NEXMIF: variants seen among roughly 807,000 people sequenced by gnomAD.
NEXMIF encodes the protein neurite extension and migration factor.
NEXMIF carries 8 observed loss-of-function variants against 62.1 expected under a neutral mutation model. That is an observed-to-expected ratio of 0.13 (90% CI 0.08 to 0.23). The LOEUF is 0.23. Among genes scored for constraint, NEXMIF ranks in the 10% least tolerant of loss-of-function variants. The pLI is 1.00. For missense variants in NEXMIF, 976 were observed against 1,113.3 expected (o/e 0.88, Z 1.75); for synonymous variants, 404 against 416.6 (o/e 0.97, Z 0.37).
chrX:74,899,580 A>G (rs1429645725), intron 1 of NEXMIF, among the ~76,000 whole-genome samples: 1 of 112,497 alleles, frequency 8.9e-6, no homozygotes, highest in Non-Finnish European at 1.9e-5. Flanking sequence ...CAAATGGAAG[A>G]AAACACAAAT....
chrX:74,841,333 C>T (rs185069783), intron 1 of NEXMIF, among the ~76,000 whole-genome samples: 4 of 111,927 alleles, frequency 3.6e-5, no homozygotes. Context: ...ATTTTGTATC[C>T]TGAAACTTTG....
Position 74,769,587 on chromosome X carries a change from T to C in NEXMIF, c.-47-23890A>G, listed in dbSNP as rs747258046. On this transcript the variant is annotated intron_variant, in intron 1 of 3. Transcript: ENST00000055682. ...AGCGCTGAGAAACCGACCAATTTTGTAAAGATGTACTGCTGCAATGTGTCT... is the reference window on the plus strand; with the variant it reads ...AGCGCTGAGAAACCGACCAATTTTGCAAAGATGTACTGCTGCAATGTGTCT... The C allele has an allele frequency of 1.2e-4, 57 of 468,685 alleles. 1 individual carries two copies. The South Asian group carries it at 2.1e-3, about 17-fold the overall frequency. 38.6% of individuals were successfully genotyped at this position (468,685 alleles called of 1,213,427 possible).
At chrX:74,785,009 G>A (rs2080256588) in intron 1 of NEXMIF, among the ~76,000 whole-genome samples, 1 of 111,699 alleles carries the variant, frequency 9.0e-6, no homozygotes, top group Admixed American at 9.6e-5. Context: ...CATTGTTGGA[G>A]GATTAAGCAC....
intron 1 of NEXMIF, among the ~76,000 whole-genome samples, chrX:74,863,809 A>C (rs2080567062): frequency 8.9e-6 from 1 of 112,259 alleles, no homozygotes; most frequent in Non-Finnish European, 1.9e-5. Context: ...ATACAATAAA[A>C]AAAGAAAACT....
intron 1 of NEXMIF, among the ~76,000 whole-genome samples, chrX:74,884,654 T>C (rs749155119): frequency 1.8e-5 from 2 of 111,604 alleles, no homozygotes; most frequent in East Asian, 2.8e-4. Flanking sequence ...AGCAAGTCCT[T>C]AGTGGCCTAC....
At chrX:74,892,295 A>G (rs753750714) in intron 1 of NEXMIF, among the ~76,000 whole-genome samples, 16 of 112,435 alleles carry the variant, frequency 1.4e-4, no homozygotes, top group African/African-American at 4.8e-4. Flanking sequence ...CTGACAAGGG[A>G]AAAGAGAAAT....
chrX:74,884,288 C>T (rs772011513), intron 1 of NEXMIF, among the ~76,000 whole-genome samples: 1 of 111,760 alleles, frequency 8.9e-6, no homozygotes, highest in Admixed American at 9.5e-5. Flanking sequence ...CAAATTCATA[C>T]ATAACAATAC....
At chrX:74,891,946 T>C (rs2080719207) in intron 1 of NEXMIF, among the ~76,000 whole-genome samples, 2 of 112,397 alleles carry the variant, frequency 1.8e-5, no homozygotes, top group South Asian at 7.4e-4. Context: ...ATGTGGGGGA[T>C]GTTCTCAAGC....
intron 1 of NEXMIF, among the ~76,000 whole-genome samples, chrX:74,889,956 C>G (rs907988691): frequency 6.8e-5 from 5 of 74,022 alleles, no homozygotes; most frequent in African/African-American, 3.4e-4. Context: ...TAATCTGTCT[C>G]TCTCTCTCTC....
At chrX:74,808,805 A>G (rs1319938670) in intron 1 of NEXMIF, among the ~76,000 whole-genome samples, 2 of 112,159 alleles carry the variant, frequency 1.8e-5, no homozygotes, top group Non-Finnish European at 3.8e-5. Flanking sequence ...CTCTAAATAA[A>G]GATGATCCCT....
chrX:74,794,288 G>C (rs1001080616), intron 1 of NEXMIF, among the ~76,000 whole-genome samples: 2 of 106,669 alleles, frequency 1.9e-5, no homozygotes, highest in Non-Finnish European at 1.9e-5. Flanking sequence ...TAGGCTGCTC[G>C]GGGGTCAGGG....
At chrX:74,831,693 C>G (rs1195208273) in intron 1 of NEXMIF, among the ~76,000 whole-genome samples, 1 of 111,461 alleles carries the variant, frequency 9.0e-6, no homozygotes, top group Admixed American at 9.5e-5. Context: ...ATTTATAATC[C>G]TTTGGGTGAA....
intron 1 of NEXMIF, among the ~76,000 whole-genome samples, chrX:74,898,134 T>C (rs1004014094): frequency 9.0e-6 from 1 of 111,582 alleles, no homozygotes; most frequent in African/African-American, 3.3e-5. Context: ...GAGTACATTA[T>C]GGAAATGAGA....
intron 1 of NEXMIF, among the ~76,000 whole-genome samples, chrX:74,872,595 G>C (rs2080606538): frequency 1.8e-5 from 2 of 108,678 alleles, no homozygotes; most frequent in African/African-American, 6.7e-5. Context: ...TGTGACTGTA[G>C]TAAATTATGT....
intron 1 of NEXMIF, among the ~76,000 whole-genome samples, chrX:74,843,227 T>C (rs1233249267): frequency 2.7e-5 from 3 of 111,919 alleles, no homozygotes; most frequent in East Asian, 2.8e-4. Flanking sequence ...CATTATGTAA[T>C]GCTCTTAGGC....
chrX:74,794,157 T>G lies in NEXMIF; in HGVS notation c.-47-48460A>C, dbSNP rs1455347543. On this transcript the variant is annotated intron_variant, in intron 1 of 3. Coordinates refer to ENST00000055682, the MANE Select transcript of NEXMIF (RefSeq NM_001008537.3). ...GGTGATGTACAGATGGGTTTTTGGT[T>G]TGGATGTCCTTTCTGTTTATTAGTT... Among the ~76,000 whole-genome samples the G allele has an allele frequency of 2.8e-3, 314 of 110,225 alleles. 3 individuals carry two copies. The highest frequency in any genetic ancestry group is 4.6e-3 in the Middle Eastern group (1 of 217).
intron 1 of NEXMIF, among the ~76,000 whole-genome samples, chrX:74,838,205 C>A (rs758791041): frequency 3.6e-5 from 4 of 111,445 alleles, no homozygotes; most frequent in Non-Finnish European, 5.7e-5. Context: ...TGTGTATGTA[C>A]AATGTGCTAA....
At chrX:74,895,150 A>G (rs1360495025) in intron 1 of NEXMIF, among the ~76,000 whole-genome samples, 3 of 112,616 alleles carry the variant, frequency 2.7e-5, no homozygotes, top group Non-Finnish European at 5.6e-5. Flanking sequence ...ACAAAAAACA[A>G]TAGCATTTCT....
At chrX:74,912,743 A>G (rs2080794782) in intron 1 of NEXMIF, among the ~76,000 whole-genome samples, 1 of 111,826 alleles carries the variant, frequency 8.9e-6, no homozygotes, top group East Asian at 2.8e-4. Flanking sequence ...CAGTCTTCCT[A>G]GAGCAGTGAC....
Sources: allele counts gnomAD v4.1 joint callset (sites outside exome capture counted in the v4.1 genomes callset), GRCh38; gene constraint gnomAD v4.1.1; transcripts MANE v1.5; gene names NCBI Gene and HGNC (gene_info 2026-07-23, HGNC 2026-07-21).